PACRG: variants seen among roughly 807,000 people sequenced by gnomAD.
PACRG encodes parkin coregulated gene protein.
Under a neutral mutation model 29.7 loss-of-function variants are expected in PACRG, and 29 were observed. That is an observed-to-expected ratio of 0.98 (90% CI 0.73 to 1.33). The LOEUF is 1.33. PACRG is among the 40% of genes most tolerant of loss of function. The pLI is 0.00. For synonymous variants in PACRG, 116 were observed against 118.7 expected (o/e 0.98, Z 0.15); for missense variants, 279 against 316.2 (o/e 0.88, Z 0.89).
intron 1 of PACRG, among the ~76,000 whole-genome samples, chr6:162,773,243 C>A (rs1783360794): frequency 6.6e-6 from 1 of 150,966 alleles, no homozygotes; most frequent in South Asian, 2.1e-4. Context: ...GAATTTCTAT[C>A]TTATTTGTGT....
intron 2 of PACRG, among the ~76,000 whole-genome samples, chr6:162,948,436 T>A (rs1799408506): frequency 6.6e-6 from 1 of 151,830 alleles, no homozygotes; most frequent in Admixed American, 6.6e-5. Flanking sequence ...AACTAAAAAC[T>A]AGAAGAAAAC....
At chr6:163,158,640 C>T (rs1778421616) in intron 4 of PACRG, among the ~76,000 whole-genome samples, 1 of 152,152 alleles carries the variant, frequency 6.6e-6, no homozygotes, top group South Asian at 2.1e-4. Context: ...GAGGTAATAG[C>T]AAAATATAAC....
At chr6:163,217,450 C>T (rs1187970648) in intron 4 of PACRG, among the ~76,000 whole-genome samples, 2 of 152,168 alleles carry the variant, frequency 1.3e-5, no homozygotes, top group African/African-American at 2.4e-5. Flanking sequence ...GAGGGGCATC[C>T]GCTCACTTGA....
intron 3 of PACRG, among the ~76,000 whole-genome samples, chr6:163,084,971 T>G (rs1170332740): frequency 6.7e-6 from 1 of 149,632 alleles, no homozygotes; most frequent in Non-Finnish European, 1.5e-5. Context: ...GGCTGTTTTA[T>G]TGCAACCTTC....
chr6:162,995,637 G>C (rs56066877), intron 2 of PACRG, among the ~76,000 whole-genome samples: 6,606 of 152,306 alleles, frequency 0.043, 354 homozygotes, highest in African/African-American at 0.13. Context: ...TGCGCCCACT[G>C]TCTGGCACTC....
chr6:163,036,358 A>G (rs1396417652), intron 2 of PACRG, among the ~76,000 whole-genome samples: 2 of 152,184 alleles, frequency 1.3e-5, no homozygotes, highest in African/African-American at 4.8e-5. Context: ...TCACAGCCGC[A>G]TTCTGGAAAC....
chr6:162,794,869 A>G (rs148864087), intron 1 of PACRG, among the ~76,000 whole-genome samples: 1 of 152,352 alleles, frequency 6.6e-6, no homozygotes, highest in East Asian at 1.9e-4. Context: ...GTAATAAACA[A>G]TAAGCATTAC....
In PACRG at chr6:163,260,920, C is replaced by T. The variant is rs976449306; in HGVS notation, c.614-53907C>T. On this transcript the variant is annotated intron_variant, in intron 4 of 4. Coordinates refer to ENST00000366888, the MANE Select transcript of PACRG (RefSeq NM_001080379.2). ...CCATGTCTGTAAGGTAGATGCTATT[C>T]GAATCTAGGAACCTTTTTTTTTTAA... 3.9e-5 allele frequency among the ~76,000 whole-genome samples: 6 copies of T among 151,980 alleles called. No individual in the cohort carries two copies. In the East Asian group the frequency reaches 7.7e-4, roughly 20 times the overall value.
At chr6:163,022,391 T>G (rs1337249140) in intron 2 of PACRG, among the ~76,000 whole-genome samples, 8 of 152,200 alleles carry the variant, frequency 5.3e-5, no homozygotes, top group Admixed American at 1.3e-4. Context: ...GTCTGAAATG[T>G]GTGCTTCTCT....
chr6:162,785,178 G>C (rs1464584240), intron 1 of PACRG, among the ~76,000 whole-genome samples: 1 of 128,862 alleles, frequency 7.8e-6, no homozygotes, highest in Non-Finnish European at 1.9e-5. Context: ...CAGAGAGAGA[G>C]AGAGAGAGAG....
At chr6:163,072,557 G>T (rs759925767) in intron 3 of PACRG, among the ~76,000 whole-genome samples, 3 of 152,040 alleles carry the variant, frequency 2.0e-5, no homozygotes, top group Admixed American at 6.6e-5. Flanking sequence ...ACACGACAGA[G>T]CGCCCACTTT....
In PACRG at chr6:162,731,806, A is replaced by G. The variant is rs142822191; in HGVS notation, c.156+3415A>G. Among the ~76,000 whole-genome samples, 1,024 of 152,296 alleles carry G rather than the reference A, an allele frequency of 6.7e-3. 5 individuals carry two copies. Among genetic ancestry groups the G allele is most frequent in the African/African-American group, 0.024 (979 of 41,576 alleles). Reference sequence around the variant, plus strand: ...CAATATTTATAAATTATATATTAAAATATTAATTTGGCTTCTGTAACACTG... The same window carrying G: ...CAATATTTATAAATTATATATTAAAGTATTAATTTGGCTTCTGTAACACTG... On this transcript the variant is annotated intron_variant, in intron 1 of 4. Coordinates refer to ENST00000366888, the MANE Select transcript of PACRG (RefSeq NM_001080379.2).
At chr6:162,965,494 T>A (rs1800952655) in intron 2 of PACRG, among the ~76,000 whole-genome samples, 1 of 152,194 alleles carries the variant, frequency 6.6e-6, no homozygotes, top group Non-Finnish European at 1.5e-5. Context: ...ATAGTAGAAA[T>A]GGTGAGGGAT....
intron 4 of PACRG, among the ~76,000 whole-genome samples, chr6:163,100,166 C>G (rs533832364): frequency 4.7e-4 from 71 of 152,216 alleles, no homozygotes; most frequent in African/African-American, 1.7e-3. Flanking sequence ...CCACCACGGC[C>G]TCCCCTGCAG....
intron 1 of PACRG, among the ~76,000 whole-genome samples, chr6:162,734,982 A>ATG (rs1780054027): frequency 6.6e-6 from 1 of 152,222 alleles, no homozygotes. Context: ...ACATGGAATC[A>ATG]TAAAGTATGT....
chr6:163,016,167 C>T (rs1158913585), intron 2 of PACRG: 6 of 152,192 alleles, frequency 3.9e-5, no homozygotes, highest in Non-Finnish European at 5.9e-5. Context: ...AGGCTAGCAT[C>T]GCATTTCAAG....
At chr6:163,283,841 C>A (rs540199571) in intron 4 of PACRG, among the ~76,000 whole-genome samples, 1 of 150,216 alleles carries the variant, frequency 6.7e-6, no homozygotes, top group African/African-American at 2.5e-5. Context: ...AGGCCAGATG[C>A]GGTGGCTCAC....
intron 2 of PACRG, among the ~76,000 whole-genome samples, chr6:162,980,456 A>G (rs560141109): frequency 6.6e-6 from 1 of 152,296 alleles, no homozygotes; most frequent in African/African-American, 2.4e-5. Context: ...TTTTTCTACC[A>G]GGATTAAGTA....
intron 3 of PACRG, among the ~76,000 whole-genome samples, chr6:163,070,246 G>T (rs533430117): frequency 9.2e-5 from 14 of 152,146 alleles, no homozygotes; most frequent in Non-Finnish European, 1.9e-4. Context: ...GTAATAGTAA[G>T]TACACAGAAA....
Sources: gnomAD v4.1 joint callset for allele counts (sites outside exome capture counted in the v4.1 genomes callset) on GRCh38, gnomAD v4.1.1 for gene constraint, MANE v1.5 for transcripts, NCBI Gene and HGNC (gene_info 2026-07-23, HGNC 2026-07-21) for gene names.